STK32B: variants seen among roughly 807,000 people sequenced by gnomAD.
STK32B encodes serine/threonine kinase 32B, also known as serine/threonine-protein kinase 32B.
STK32B carries 43 observed loss-of-function variants against 52.6 expected under a neutral mutation model. The observed-to-expected ratio is 0.82, with a 90% CI of 0.64 to 1.05. STK32B has a LOEUF of 1.05. Ranked by LOEUF, STK32B falls within the 50% of genes least tolerant of loss-of-function variation. STK32B has a pLI of 0.00. For synonymous variants in STK32B, 238 were observed against 204.3 expected, an observed-to-expected ratio of 1.17 and a Z score of -1.41; for missense variants, 621 against 534.6, an observed-to-expected ratio of 1.16 and a Z score of -1.59.
intron 1 of STK32B, among the ~76,000 whole-genome samples, chr4:5,115,358 G>A (rs953264753): frequency 6.6e-5 from 10 of 152,176 alleles, no homozygotes; most frequent in African/African-American, 2.4e-4. Context: ...GTCAGAGTTT[G>A]TGGGGTAGAC....
chr4:5,381,532 G>A (rs1490283083), intron 4 of STK32B, among the ~76,000 whole-genome samples: 5 of 152,228 alleles, frequency 3.3e-5, no homozygotes, highest in Non-Finnish European at 7.3e-5. Context: ...AGCCAGTTCA[G>A]TGTGGCATGG....
intron 5 of STK32B, among the ~76,000 whole-genome samples, chr4:5,407,344 C>T (rs1737747283): frequency 6.6e-6 from 1 of 152,138 alleles, no homozygotes; most frequent in African/African-American, 2.4e-5. Context: ...CCTCATCTTC[C>T]TGTCTTCATC....
At chr4:5,332,395 G>C (rs1407608904) in intron 4 of STK32B, among the ~76,000 whole-genome samples, 1 of 152,154 alleles carries the variant, frequency 6.6e-6, no homozygotes, top group African/African-American at 2.4e-5. Context: ...CAAAAGCTCA[G>C]GAATTGGCAG....
chr4:5,482,564 G>T (rs1302605795), intron 11 of STK32B, among the ~76,000 whole-genome samples: 1 of 152,122 alleles, frequency 6.6e-6, no homozygotes. Context: ...TTTCCTAATT[G>T]AATACCCTTT....
intron 4 of STK32B, among the ~76,000 whole-genome samples, chr4:5,366,585 C>G (rs1013756690): frequency 6.6e-6 from 1 of 152,170 alleles, no homozygotes; most frequent in Non-Finnish European, 1.5e-5. Flanking sequence ...GCAACCCTAC[C>G]GAGGAGGGCA....
intron 7 of STK32B, among the ~76,000 whole-genome samples, chr4:5,454,390 C>G (rs1560427604): frequency 1.3e-5 from 2 of 152,172 alleles, no homozygotes; most frequent in South Asian, 2.1e-4. Flanking sequence ...TTCCAGGCCT[C>G]TCTGCTTGGC....
intron 11 of STK32B, among the ~76,000 whole-genome samples, chr4:5,493,077 G>A (rs1464408837): frequency 6.6e-6 from 1 of 151,326 alleles, no homozygotes; most frequent in Non-Finnish European, 1.5e-5. Context: ...TTGGTATCAG[G>A]ATGATGCTGG....
intron 11 of STK32B, among the ~76,000 whole-genome samples, chr4:5,488,073 C>G (rs532638563): frequency 2.6e-5 from 4 of 152,116 alleles, no homozygotes; most frequent in Non-Finnish European, 5.9e-5. Context: ...GAGTTACAAC[C>G]TGATAACCCT....
At position 5,466,846 on chromosome 4, in the gene STK32B, G is replaced by A. The variant is rs781159514; in HGVS notation, c.1041+12G>A. 30 of 1,610,774 alleles carry A rather than the reference G, an allele frequency of 1.9e-5. No individual in the cohort carries two copies. The highest frequency in any genetic ancestry group is 3.4e-5 in the Admixed American group (2 of 59,478). ...ACAGCTGCCCGCTGGTGAGTGCTTC[G>A]TGGGAGCCGTTCCGGGAGAGAAATC... On this transcript the variant is annotated intron_variant, in intron 10 of 11. Transcript: ENST00000282908.
chr4:5,345,719 A>G (rs538284012), intron 4 of STK32B, among the ~76,000 whole-genome samples: 1 of 152,220 alleles, frequency 6.6e-6, no homozygotes, highest in Non-Finnish European at 1.5e-5. Flanking sequence ...CTAAGCTCAT[A>G]CTATCTCTAT....
intron 1 of STK32B, among the ~76,000 whole-genome samples, chr4:5,111,082 A>G (rs961500294): frequency 7.9e-5 from 12 of 152,232 alleles, no homozygotes; most frequent in African/African-American, 9.7e-5. Context: ...TACATCAGTC[A>G]GCATGGCTTT....
chr4:5,493,782 T>C (rs547298567), intron 11 of STK32B, among the ~76,000 whole-genome samples: 3 of 152,348 alleles, frequency 2.0e-5, no homozygotes, highest in East Asian at 1.9e-4. Flanking sequence ...TGTTGTGTCT[T>C]TGTTCTCATT....
chr4:5,190,626 G>A (rs1429740452), intron 3 of STK32B, among the ~76,000 whole-genome samples: 1 of 152,168 alleles, frequency 6.6e-6, no homozygotes, highest in African/African-American at 2.4e-5. Context: ...TCTCATTCTG[G>A]ACACGGAGAT....
intron 4 of STK32B, among the ~76,000 whole-genome samples, chr4:5,359,382 TCCCTC>T (rs1331167188): frequency 2.8e-4 from 39 of 140,788 alleles, no homozygotes; most frequent in African/African-American, 8.4e-4. Flanking sequence ...CATCCAACCC[TCCCTC>T]CCTCCCTCCC....
At chr4:5,393,226 C>G (rs1449872340) in intron 4 of STK32B, among the ~76,000 whole-genome samples, 1 of 152,170 alleles carries the variant, frequency 6.6e-6, no homozygotes, top group Non-Finnish European at 1.5e-5. Flanking sequence ...TTGGCTCAAC[C>G]TCCTACTGAA....
At chr4:5,437,080 T>C (rs1054000734) in intron 6 of STK32B, among the ~76,000 whole-genome samples, 1 of 152,144 alleles carries the variant, frequency 6.6e-6, no homozygotes, top group African/African-American at 2.4e-5. Context: ...AGGGCACCAA[T>C]CCCCAGATAA....
At chr4:5,289,220 T>C in intron 3 of STK32B, among the ~76,000 whole-genome samples, 1 of 152,216 alleles carries the variant, frequency 6.6e-6, no homozygotes, top group East Asian at 1.9e-4. Flanking sequence ...ATGGTAAGTA[T>C]TTATGTATCT....
At chr4:5,429,048 G>A (rs775233803) in intron 6 of STK32B, among the ~76,000 whole-genome samples, 40 of 152,222 alleles carry the variant, frequency 2.6e-4, no homozygotes, top group Non-Finnish European at 2.2e-4. Flanking sequence ...CACCATGGCT[G>A]ATTTCAAGTT....
chr4:5,226,396 C>T (rs781494561), intron 3 of STK32B, among the ~76,000 whole-genome samples: 1 of 152,164 alleles, frequency 6.6e-6, no homozygotes, highest in Non-Finnish European at 1.5e-5. Flanking sequence ...GTTTCAGTTA[C>T]CCACAGTCAA....
Sources: gnomAD v4.1 joint callset for allele counts (sites outside exome capture counted in the v4.1 genomes callset) on GRCh38, gnomAD v4.1.1 for gene constraint, MANE v1.5 for transcripts, NCBI Gene and HGNC (gene_info 2026-07-23, HGNC 2026-07-21) for gene names.